ZNF423: variants seen among roughly 807,000 people sequenced by gnomAD.
The protein encoded by ZNF423 is zinc finger protein 423, also known as Ebf-associated zinc finger protein.
A neutral mutation model predicts 95.8 loss-of-function variants in ZNF423; 12 were observed. The ratio of observed to expected loss-of-function variants is 0.13; its 90% CI spans 0.08 to 0.20. The LOEUF is 0.20. ZNF423 is among the 10% of genes least tolerant of loss of function. The pLI, the probability that ZNF423 is intolerant of heterozygous loss-of-function variation, is 1.00. For missense variants in ZNF423, 1,316 were observed against 1,737.1 expected (o/e 0.76, Z 4.31); for synonymous variants, 749 against 711.9 (o/e 1.05, Z -0.83).
At chr16:49,616,693 A>G (rs1450340696) in intron 5 of ZNF423, among the ~76,000 whole-genome samples, 1 of 151,982 alleles carries the variant, frequency 6.6e-6, no homozygotes, top group Non-Finnish European at 1.5e-5. Context: ...GATTGGAGCT[A>G]CTCCTTCTGG....
In ZNF423 at chr16:49,833,563, T is replaced by C. The variant is rs982217786; in HGVS notation, c.40+22172A>G. ...AGGAAATTAGGCAAATAAGAAAAGATGTCCTGACTTCGCTCCCAGAGCCCC... is the reference window on the plus strand; with the variant it reads ...AGGAAATTAGGCAAATAAGAAAAGACGTCCTGACTTCGCTCCCAGAGCCCC... On this transcript the variant is annotated intron_variant, in intron 1 of 7. Transcript: ENST00000563137. Among the ~76,000 whole-genome samples the C allele has an allele frequency of 3.3e-5, 5 of 152,128 alleles. No homozygotes were observed. The East Asian group carries it at 5.8e-4, about 18-fold the overall frequency.
chr16:49,666,245 C>T (rs538890848), intron 3 of ZNF423, among the ~76,000 whole-genome samples: 5 of 152,160 alleles, frequency 3.3e-5, no homozygotes, highest in South Asian at 2.1e-4. Context: ...TGTTTTAACC[C>T]GCAGAGGAGG....
chr16:49,790,611 A>G (rs1031286647), intron 1 of ZNF423, among the ~76,000 whole-genome samples: 1 of 152,248 alleles, frequency 6.6e-6, no homozygotes, highest in Non-Finnish European at 1.5e-5. Context: ...CACCACATGG[A>G]AGGCATGTAC....
chr16:49,727,566 A>G (rs987198329), intron 3 of ZNF423, among the ~76,000 whole-genome samples: 2 of 152,040 alleles, frequency 1.3e-5, no homozygotes, highest in African/African-American at 4.8e-5. Flanking sequence ...ACCGCCCACA[A>G]ATACACCCCC....
chr16:49,638,327 C>A lies in ZNF423; in HGVS notation c.849G>T (p.Thr283=), dbSNP rs752433519. 2 of 1,614,100 alleles carry A rather than the reference C, an allele frequency of 1.2e-6. No homozygotes were observed. The highest frequency in any genetic ancestry group is 1.7e-6 in the Non-Finnish European group (2 of 1,180,054). The part of the protein sequence containing the change: ...CDYCEDTFSQ[T]EELEKHVLTR... ...TGAGCACGTGCTTCTCCAGCTCCTCCGTCTGGCTGAAGGTGTCCTCGCAGT... is the reference window on the plus strand; with the variant it reads ...TGAGCACGTGCTTCTCCAGCTCCTCAGTCTGGCTGAAGGTGTCCTCGCAGT... Residue 283 remains threonine, a synonymous_variant, in exon 4 of 8, where the codon ACG becomes ACT. Transcript: ENST00000563137. This position sits in a 1 kb window ranked among gnomAD's most constrained non-coding sequence, Gnocchi z 5.6.
chr16:49,765,935 G>C (rs1379128186), intron 2 of ZNF423, among the ~76,000 whole-genome samples: 1 of 152,176 alleles, frequency 6.6e-6, no homozygotes, highest in Non-Finnish European at 1.5e-5. Context: ...ACGGGGAATG[G>C]GGAGTGAGTG....
At chr16:49,533,718 A>G (rs1888997657) in intron 5 of ZNF423, among the ~76,000 whole-genome samples, 1 of 152,226 alleles carries the variant, frequency 6.6e-6, no homozygotes. Flanking sequence ...GGCTGCGCGG[A>G]GGAGAATCCT....
chr16:49,725,657 G>A (rs1344027421), intron 3 of ZNF423, among the ~76,000 whole-genome samples: 1 of 152,208 alleles, frequency 6.6e-6, no homozygotes, highest in African/African-American at 2.4e-5. Flanking sequence ...GCTGCAGAGG[G>A]CCAGCAGGGA....
intron 4 of ZNF423, among the ~76,000 whole-genome samples, chr16:49,631,419 C>T (rs924113055): frequency 6.6e-6 from 1 of 151,578 alleles, no homozygotes; most frequent in Non-Finnish European, 1.5e-5. Flanking sequence ...CCACTCTCAA[C>T]CCCCCTGGAG....
intron 5 of ZNF423, among the ~76,000 whole-genome samples, chr16:49,605,282 T>A (rs2151836485): frequency 6.6e-6 from 1 of 152,254 alleles, no homozygotes; most frequent in South Asian, 2.1e-4. Context: ...CCAAGTTCCA[T>A]CTCTTCTCTC....
At chr16:49,768,449 G>A (rs1348282179) in intron 2 of ZNF423, among the ~76,000 whole-genome samples, 3 of 152,192 alleles carry the variant, frequency 2.0e-5, no homozygotes, top group African/African-American at 4.8e-5. Context: ...ACGAAGAGCC[G>A]GTGTCATCAA....
chr16:49,845,329 T>G (rs2035233744), intron 1 of ZNF423, among the ~76,000 whole-genome samples: 1 of 151,744 alleles, frequency 6.6e-6, no homozygotes, highest in Non-Finnish European at 1.5e-5. Flanking sequence ...GGTCTCAAAC[T>G]CCTGATCTCA....
intron 1 of ZNF423, among the ~76,000 whole-genome samples, chr16:49,841,268 A>G (rs1414008764): frequency 6.6e-6 from 1 of 152,144 alleles, no homozygotes; most frequent in Non-Finnish European, 1.5e-5. Context: ...AAGATCCTCC[A>G]GCTCCCCCTT....
In ZNF423 at chr16:49,622,086, A is replaced by T. The variant is rs1432196750; in HGVS notation, c.3601+4084T>A. On this transcript the variant is annotated intron_variant, in intron 5 of 7. Coordinates refer to ENST00000563137, the MANE Select transcript of ZNF423 (RefSeq NM_001379286.1). ...GGTACCCACAGGGACCAGGCTGGAGACTTAACTGAGCAAGACCATGATGCC... is the reference window on the plus strand; with the variant it reads ...GGTACCCACAGGGACCAGGCTGGAGTCTTAACTGAGCAAGACCATGATGCC... Among the ~76,000 whole-genome samples, 4 of 152,158 alleles carry T rather than the reference A, an allele frequency of 2.6e-5. No homozygotes were observed. The East Asian group carries it at 7.7e-4, about 29-fold the overall frequency.
At position 49,492,728 on chromosome 16, in the gene ZNF423, C is replaced by A. The variant is rs147755628; in HGVS notation, c.3850-1424G>T. 0.015 allele frequency among the ~76,000 whole-genome samples: 2,316 copies of A among 152,310 alleles called. 50 individuals carry two copies. The highest frequency in any genetic ancestry group is 0.051 in the African/African-American group (2,110 of 41,568). On this transcript the variant is annotated intron_variant, in intron 7 of 7. Coordinates refer to ENST00000563137, the MANE Select transcript of ZNF423 (RefSeq NM_001379286.1). This position sits in a 1 kb window ranked among gnomAD's most constrained non-coding sequence, Gnocchi z 4.2. ...GCACGGCCGGGGCTTGGTGGGCATG[C>A]GTGCTCTGTGCCGTGGCAGGCACCG...
Position 49,637,367 on chromosome 16 carries a change from G to A in ZNF423, c.1809C>T (p.His603=), listed in dbSNP as rs1471800094. 6.2e-7 allele frequency: 1 copy of A among 1,614,250 alleles called. No individual in the cohort carries two copies. The highest frequency in any genetic ancestry group is 8.5e-7 in the Non-Finnish European group (1 of 1,180,044). ...KENHKNIPLA[H]SKKSKAEQSP... ...TCTGCTCGGCCTTGGACTTCTTGCTGTGGGCCAGTGGAATGTTCTTGTGGT... is the reference window on the plus strand; with the variant it reads ...TCTGCTCGGCCTTGGACTTCTTGCTATGGGCCAGTGGAATGTTCTTGTGGT... The change falls in exon 4 of 8, where the codon CAC becomes CAT. Residue 603 remains histidine, a synonymous_variant. Transcript: ENST00000563137. The surrounding 1 kb of genome is among the most constrained non-coding windows in gnomAD (Gnocchi z 5.6).
chr16:49,791,091 C>T (rs1342808517), intron 1 of ZNF423, among the ~76,000 whole-genome samples: 1 of 152,196 alleles, frequency 6.6e-6, no homozygotes, highest in Non-Finnish European at 1.5e-5. Flanking sequence ...AGAAACAGCA[C>T]ATGCAAGAGG....
chr16:49,808,952 G>A (rs1345037512), intron 1 of ZNF423, among the ~76,000 whole-genome samples: 1 of 152,136 alleles, frequency 6.6e-6, no homozygotes, highest in Non-Finnish European at 1.5e-5. Flanking sequence ...TTCAGCAATG[G>A]GAAAGGATAC....
chr16:49,607,121 T>A (rs1292161150), intron 5 of ZNF423, among the ~76,000 whole-genome samples: 2 of 147,324 alleles, frequency 1.4e-5, no homozygotes, highest in Non-Finnish European at 3.0e-5. Flanking sequence ...AGAGTCAGAG[T>A]CCTTCATTCA....
Sources: allele counts gnomAD v4.1 joint callset (sites outside exome capture counted in the v4.1 genomes callset), GRCh38; gene constraint gnomAD v4.1.1; non-coding constraint Gnocchi (gnomAD v3.1); transcripts MANE v1.5; gene names NCBI Gene and HGNC (gene_info 2026-07-23, HGNC 2026-07-21).